The following LPO variants were observed in gnomAD, a reference collection of about 807,000 sequenced individuals.
LPO encodes the protein lactoperoxidase.
Under a neutral mutation model 68.4 loss-of-function variants are expected in LPO, and 70 were observed. The observed-to-expected ratio is 1.02, with a 90% CI of 0.84 to 1.25. LPO has a LOEUF of 1.25. Among genes scored for constraint, LPO ranks in the 50% most tolerant of loss-of-function variants. The pLI, the probability that LPO is intolerant of heterozygous loss-of-function variation, is 0.00. For synonymous variants in LPO, 360 were observed against 357.6 expected, an observed-to-expected ratio of 1.01 and a Z score of -0.08; for missense variants, 873 against 908.4, an observed-to-expected ratio of 0.96 and a Z score of 0.50.
At chr17:58,241,814 C>T (rs1969765027) in intron 1 of LPO, among the ~76,000 whole-genome samples, 1 of 152,188 alleles carries the variant, frequency 6.6e-6, no homozygotes, top group Non-Finnish European at 1.5e-5. Context: ...GTGAAGGAGG[C>T]TGAAATGACC....
chr17:58,259,977 G>C (rs907530838), intron 9 of LPO, among the ~76,000 whole-genome samples: 2 of 151,866 alleles, frequency 1.3e-5, no homozygotes, highest in Non-Finnish European at 2.9e-5. Flanking sequence ...CACCATGCCC[G>C]GCTAATTTCT....
chr17:58,243,958 G>A (rs936735637), intron 2 of LPO, 36 bp from the exon 3 acceptor site: 3 of 1,412,664 alleles, frequency 2.1e-6, no homozygotes, highest in Non-Finnish European at 3.0e-6. Context: ...AGTGGTGTCT[G>A]ACACCCTACT....
intron 1 of LPO, among the ~76,000 whole-genome samples, chr17:58,240,297 G>T (rs753033642): frequency 5.3e-5 from 8 of 152,162 alleles, no homozygotes; most frequent in Non-Finnish European, 8.8e-5. Flanking sequence ...TCTCCAGATA[G>T]TGCTTCATGT....
chr17:58,267,215 T>C, intron 11 of LPO, 134 bp from the exon 12 acceptor site: 1 of 635,400 alleles, frequency 1.6e-6, no homozygotes, highest in African/African-American at 1.8e-5. Context: ...AAACAATGGA[T>C]TCCCTCCTTC....
chr17:58,259,028 GGT>G (rs1970126286), intron 9 of LPO, among the ~76,000 whole-genome samples: 2 of 109,198 alleles, frequency 1.8e-5, no homozygotes, highest in African/African-American at 1.2e-4. Context: ...ATTTGGTGGG[GGT>G]TTTTTTTTTC....
At position 58,249,590 on chromosome 17, in the gene LPO, C is replaced by G; in HGVS notation, c.468C>G (p.Ala156=). The change falls in exon 6 of 13, where the codon GCC becomes GCG. Residue 156 remains alanine, a synonymous_variant. Coordinates refer to ENST00000262290, the MANE Select transcript of LPO (RefSeq NM_006151.3). The part of the protein sequence containing the change: ...NNRRKPALGA[A]NRALARWLPA... ...GGAGGAAGCCTGCGCTGGGCGCCGC[C>G]AACAGGGCTCTGGCGCGCTGGCTGC... The G allele has an allele frequency of 6.2e-7, 1 of 1,604,114 alleles. No homozygotes were observed. Among genetic ancestry groups the G allele is most frequent in the South Asian group, 1.1e-5 (1 of 90,946 alleles).
Position 58,249,709 on chromosome 17 carries a change from G to A in LPO, c.573+14G>A, listed in dbSNP as rs774040085. ...CCTCTCCCGCTGGTGAGGGCAGGCC[G>A]GGCCGGGGTGAAGGATGGGAGCCAG... On this transcript the variant is annotated intron_variant, in intron 6 of 12. Coordinates refer to ENST00000262290, the MANE Select transcript of LPO (RefSeq NM_006151.3). The A allele has an allele frequency of 6.5e-5, 100 of 1,549,252 alleles. No individual in the cohort carries two copies. The highest frequency in any genetic ancestry group is 8.4e-5 in the Non-Finnish European group (97 of 1,156,470).
chr17:58,248,694 A>C (rs2143899629), intron 4 of LPO, among the ~76,000 whole-genome samples: 1 of 152,238 alleles, frequency 6.6e-6, no homozygotes, highest in South Asian at 2.1e-4. Flanking sequence ...ACACTAACTC[A>C]TACTAACATA....
rs751903809 is a variant in LPO at position 58,252,277 on chromosome 17, G to A, written c.876G>A (p.Leu292=). The A allele has an allele frequency of 1.9e-6, 3 of 1,614,164 alleles. No homozygotes were observed. The highest frequency in any genetic ancestry group is 2.2e-5 in the South Asian group (2 of 91,080). ...GCCCCACTCCACCCTACAAGTCCCT[G>A]GCCCGAGAGCAGATCAACGCTCTGA... The part of the protein sequence containing the change: ...FVCPTPPYKS[L]AREQINALTS... Residue 292 remains leucine (L), a synonymous_variant, in exon 8 of 13, where the codon CTG becomes CTA. Transcript: ENST00000262290.
At chr17:58,253,048 A>G (rs1198467681) in intron 8 of LPO, among the ~76,000 whole-genome samples, 2 of 146,520 alleles carry the variant, frequency 1.4e-5, no homozygotes, top group Non-Finnish European at 3.0e-5. Context: ...AAAAAAAAAA[A>G]GAAAGAAAGA....
At position 58,250,637 on chromosome 17, in the gene LPO, T is replaced by C. The variant is rs375517918; in HGVS notation, c.780+16T>C. 2.7e-5 allele frequency: 44 copies of C among 1,612,630 alleles called. No homozygotes were observed. The highest frequency in any genetic ancestry group is 3.5e-5 in the Non-Finnish European group (41 of 1,179,136). On this transcript the variant is annotated intron_variant, in intron 7 of 12. Transcript: ENST00000262290. ...CCCCATCATGGTACGGCCCTGCAGC[T>C]AGGCATCTCTGACTAGCCCCTTGCC...
At chr17:58,252,108 T>G in intron 7 of LPO, 74 bp from the exon 8 acceptor site, 1 of 1,404,984 alleles carries the variant, frequency 7.1e-7, no homozygotes, top group African/African-American at 1.4e-5. Flanking sequence ...GCATCCAGAC[T>G]TGCCCTGGGG....
At position 58,247,782 on chromosome 17, in the gene LPO, C is replaced by T. The variant is rs1012871912; in HGVS notation, c.325+144C>T. ...GTCTCTCCCTTCTTAGACCCGTAGACGAGACTGGCAGAGCAAGGAAGGTCT... is the reference window on the plus strand; with the variant it reads ...GTCTCTCCCTTCTTAGACCCGTAGATGAGACTGGCAGAGCAAGGAAGGTCT... On this transcript the variant is annotated intron_variant, in intron 4 of 12. Coordinates refer to ENST00000262290, the MANE Select transcript of LPO (RefSeq NM_006151.3). 3.0e-5 allele frequency: 28 copies of T among 942,666 alleles called. 1 individual carries two copies. The highest frequency in any genetic ancestry group is 5.0e-5 in the African/African-American group (3 of 60,426). The allele number at this position is 942,666 out of a possible 1,614,324, so 58.4% of individuals were successfully genotyped here.
chr17:58,253,979 G>T (rs1970012494), intron 8 of LPO, among the ~76,000 whole-genome samples: 1 of 151,950 alleles, frequency 6.6e-6, no homozygotes, highest in African/African-American at 2.4e-5. Context: ...ACACATGGTG[G>T]CACATGCCTG....
At position 58,246,584 on chromosome 17, in the gene LPO, C is replaced by T. The variant is rs996297692; in HGVS notation, c.165-894C>T. On this transcript the variant is annotated intron_variant, in intron 3 of 12. Coordinates refer to ENST00000262290, the MANE Select transcript of LPO (RefSeq NM_006151.3). ...GAAGCATGCAGAGCCCAGGGCCGGG[C>T]GGGAAAGGAAGGAACATCTGGAACC... Among the ~76,000 whole-genome samples the T allele has an allele frequency of 2.0e-5, 3 of 152,106 alleles. No homozygotes were observed. The South Asian group carries it at 6.2e-4, about 32-fold the overall frequency.
intron 9 of LPO, among the ~76,000 whole-genome samples, chr17:58,261,842 TAGAG>T (rs1970180592): frequency 1.3e-5 from 2 of 152,274 alleles, no homozygotes; most frequent in East Asian, 1.9e-4. Context: ...GAAATAAAGA[TAGAG>T]AGAGAGATAG....
At chr17:58,241,155 G>A (rs1195586401) in intron 1 of LPO, among the ~76,000 whole-genome samples, 4 of 126,892 alleles carry the variant, frequency 3.2e-5, no homozygotes, top group Non-Finnish European at 4.7e-5. Context: ...TTTTGAGCCA[G>A]GCTGGAGTGC....
chr17:58,243,873 C>T (rs953807684), intron 2 of LPO, 121 bp from the exon 3 acceptor site: 1 of 681,004 alleles, frequency 1.5e-6, no homozygotes, highest in South Asian at 1.7e-5. Flanking sequence ...ATCTTGATCT[C>T]CTGCCTACCC....
intron 8 of LPO, 74 bp downstream of exon 8, chr17:58,252,580 C>G (rs1200660337): frequency 2.1e-6 from 3 of 1,421,890 alleles, no homozygotes; most frequent in Non-Finnish European, 2.8e-6. Context: ...CTGCCCCCTT[C>G]TTGTCATCTT....
Sources: allele counts gnomAD v4.1 joint callset (sites outside exome capture counted in the v4.1 genomes callset), GRCh38; gene constraint gnomAD v4.1.1; transcripts MANE v1.5; gene names NCBI Gene and HGNC (gene_info 2026-07-23, HGNC 2026-07-21).